The following ZDHHC2 variants were observed in gnomAD, a reference collection of about 807,000 sequenced individuals.
ZDHHC2 encodes the protein palmitoyltransferase ZDHHC2.
Under a neutral mutation model 55.6 loss-of-function variants are expected in ZDHHC2, and 51 were observed. The observed-to-expected ratio is 0.92, with a 90% confidence interval of 0.73 to 1.16. The LOEUF is 1.16. Among genes scored for constraint, ZDHHC2 ranks in the 50% most tolerant of loss-of-function variants. ZDHHC2 has a pLI of 0.00. For synonymous variants in ZDHHC2, 199 were observed against 152.9 expected (o/e 1.30, Z -2.22); for missense variants, 491 against 442.4 (o/e 1.11, Z -0.99).
chr8:17,178,484 C>T (rs1425134984), intron 1 of ZDHHC2, among the ~76,000 whole-genome samples: 1 of 152,132 alleles, frequency 6.6e-6, no homozygotes, highest in African/African-American at 2.4e-5. Flanking sequence ...TCATAAAAGG[C>T]TAAACAGTAA....
At chr8:17,199,171 T>C (rs893044758) in intron 6 of ZDHHC2, among the ~76,000 whole-genome samples, 1 of 152,168 alleles carries the variant, frequency 6.6e-6, no homozygotes, top group Non-Finnish European at 1.5e-5. Context: ...GTGAAATATA[T>C]GTAGGGAATG....
chr8:17,160,272 G>A (rs1455297418), intron 1 of ZDHHC2, among the ~76,000 whole-genome samples: 2 of 152,172 alleles, frequency 1.3e-5, no homozygotes, highest in African/African-American at 2.4e-5. Flanking sequence ...ATACACTTGT[G>A]TAACCAGTTC....
intron 3 of ZDHHC2, among the ~76,000 whole-genome samples, chr8:17,193,039 T>C (rs1467116975): frequency 6.6e-6 from 1 of 152,204 alleles, no homozygotes; most frequent in South Asian, 2.1e-4. Context: ...GCCAGTACCG[T>C]GCTATTTAGG....
chr8:17,192,854 A>G (rs1264926045), intron 3 of ZDHHC2, among the ~76,000 whole-genome samples: 5 of 152,218 alleles, frequency 3.3e-5, no homozygotes, highest in African/African-American at 7.2e-5. Flanking sequence ...TAGTTTCCCC[A>G]GCAGCACTTA....
chr8:17,161,514 C>T (rs1255007025), intron 1 of ZDHHC2, among the ~76,000 whole-genome samples: 1 of 152,166 alleles, frequency 6.6e-6, no homozygotes, highest in Non-Finnish European at 1.5e-5. Flanking sequence ...AAGGCACATC[C>T]ATAGAAAACT....
chr8:17,203,289 C>G (rs1014874361), intron 6 of ZDHHC2, among the ~76,000 whole-genome samples: 4 of 152,014 alleles, frequency 2.6e-5, no homozygotes, highest in African/African-American at 7.3e-5. Flanking sequence ...TCTTGTCGCC[C>G]AGGCTGGAGT....
chr8:17,190,705 G>A (rs552190906), intron 3 of ZDHHC2, among the ~76,000 whole-genome samples: 14 of 151,876 alleles, frequency 9.2e-5, no homozygotes, highest in Non-Finnish European at 1.5e-4. Flanking sequence ...GAATTTCTTT[G>A]TAGTTAAAAA....
chr8:17,162,926 T>G (rs939286630), intron 1 of ZDHHC2: 2 of 152,256 alleles, frequency 1.3e-5, no homozygotes, highest in African/African-American at 4.8e-5. Flanking sequence ...GTTACAGATC[T>G]TACCACATAT....
chr8:17,224,353 T>C lies in ZDHHC2; in HGVS notation c.*4132T>C, dbSNP rs1260208700. On this transcript the variant is annotated 3_prime_UTR_variant, in exon 13 of 13. Transcript: ENST00000262096. ...GGAAAATGTCTGTTAAGGCTAATCA[T>C]CTGAGTGATTTGAGTAGCAATTAAA... 6.6e-6 allele frequency: 1 copy of C among 151,776 alleles called. No homozygotes were observed. The highest frequency in any genetic ancestry group is 1.5e-5 in the Non-Finnish European group (1 of 67,728). The allele number at this position is 151,776 out of a possible 1,614,324, so 9.4% of individuals were successfully genotyped here. A position where few individuals can be genotyped will look rare whatever the true frequency, so the allele number is the denominator to read the frequency against.
chr8:17,201,571 C>G (rs1424733891), intron 6 of ZDHHC2, among the ~76,000 whole-genome samples: 1 of 134,792 alleles, frequency 7.4e-6, no homozygotes, highest in South Asian at 2.6e-4. Flanking sequence ...TGGCTCACTG[C>G]AAGCTCCGCC....
intron 8 of ZDHHC2, among the ~76,000 whole-genome samples, chr8:17,208,996 A>C (rs1426491828): frequency 6.6e-6 from 1 of 152,180 alleles, no homozygotes; most frequent in Non-Finnish European, 1.5e-5. Context: ...TCTGCTGGTT[A>C]GATTTTTCTT....
At chr8:17,190,675 A>G (rs1805977344) in intron 3 of ZDHHC2, among the ~76,000 whole-genome samples, 1 of 152,154 alleles carries the variant, frequency 6.6e-6, no homozygotes, top group African/African-American at 2.4e-5. Context: ...CGTTACACCA[A>G]TTCAAGCACT....
At chr8:17,162,898 A>G (rs1056703383) in intron 1 of ZDHHC2, 2 of 152,262 alleles carry the variant, frequency 1.3e-5, no homozygotes, top group Admixed American at 1.3e-4. Context: ...ACGTAAGTAG[A>G]AATGAGTTTT....
In ZDHHC2 at chr8:17,224,379, C is replaced by T. The variant is rs1036560367; in HGVS notation, c.*4158C>T. The T allele has an allele frequency of 4.6e-5, 7 of 151,730 alleles. No individual in the cohort carries two copies. The highest frequency in any genetic ancestry group is 1.7e-4 in the African/African-American group (7 of 41,470). The allele number at this position is 151,730 out of a possible 1,614,324, so 9.4% of individuals were successfully genotyped here. ...CTGAGTGATTTGAGTAGCAATTAAA[C>T]CAAAGGGAAACTTTTAATAAGTTAT... On this transcript the variant is annotated 3_prime_UTR_variant, in exon 13 of 13. Coordinates refer to ENST00000262096, the MANE Select transcript of ZDHHC2 (RefSeq NM_016353.5).
At chr8:17,206,057 C>T (rs868362265) in intron 7 of ZDHHC2, among the ~76,000 whole-genome samples, 46 of 152,310 alleles carry the variant, frequency 3.0e-4, no homozygotes, top group African/African-American at 1.0e-3. Flanking sequence ...CAAGACGATG[C>T]TTTTGCCTTC....
At chr8:17,200,112 G>T (rs573799329) in intron 6 of ZDHHC2, among the ~76,000 whole-genome samples, 4 of 152,276 alleles carry the variant, frequency 2.6e-5, no homozygotes, top group African/African-American at 9.6e-5. Flanking sequence ...GCTGCTGTCA[G>T]TGCCCCACCT....
intron 1 of ZDHHC2, among the ~76,000 whole-genome samples, chr8:17,182,688 T>A (rs1331011466): frequency 1.3e-5 from 2 of 152,164 alleles, no homozygotes; most frequent in Non-Finnish European, 2.9e-5. Flanking sequence ...AAACAAAGTC[T>A]TTGAATGCAT....
chr8:17,163,390 G>A (rs975235863), intron 1 of ZDHHC2, among the ~76,000 whole-genome samples: 11 of 152,066 alleles, frequency 7.2e-5, no homozygotes, highest in South Asian at 2.1e-4. Context: ...ATCTTTTTTC[G>A]TTACCATGGT....
intron 1 of ZDHHC2, among the ~76,000 whole-genome samples, chr8:17,166,014 G>C (rs907277677): frequency 1.3e-5 from 2 of 152,242 alleles, no homozygotes; most frequent in Non-Finnish European, 2.9e-5. Context: ...TGACAGGTCA[G>C]AGATGTGGGG....
Sources: gnomAD v4.1 joint callset for allele counts (sites outside exome capture counted in the v4.1 genomes callset) on GRCh38, gnomAD v4.1.1 for gene constraint, MANE v1.5 for transcripts, NCBI Gene and HGNC (gene_info 2026-07-23, HGNC 2026-07-21) for gene names.